PHF24: variants seen among roughly 807,000 people sequenced by gnomAD.
The protein encoded by PHF24 is PHD finger protein 24.
PHF24 carries 25 observed loss-of-function variants against 42.6 expected under a neutral mutation model. That is an observed-to-expected ratio of 0.59 (90% confidence interval 0.43 to 0.82). The LOEUF (loss-of-function observed/expected upper bound fraction) is 0.82, where lower values mean the gene tolerates loss of function less well. Among genes scored for constraint, PHF24 ranks in the 40% least tolerant of loss-of-function variants. PHF24 has a pLI of 0.00. For synonymous variants in PHF24, 185 were observed against 204.8 expected (o/e 0.90, Z 0.83); for missense variants, 470 against 538.1 (o/e 0.87, Z 1.25).
the PHF24 span, among the ~76,000 whole-genome samples, chr9:34,727,469 T>C: frequency 6.6e-6 from 1 of 152,220 alleles, no homozygotes; most frequent in Admixed American, 6.5e-5. Context: ...CGTAATGTTA[T>C]ACCCAGCATC....
At chr9:34,785,878 G>A in the PHF24 span, among the ~76,000 whole-genome samples, 1 of 152,212 alleles carries the variant, frequency 6.6e-6, no homozygotes, top group African/African-American at 2.4e-5. Context: ...TGGAATGGCT[G>A]CAGGGGAACA....
At chr9:34,839,535 G>A in the PHF24 span, among the ~76,000 whole-genome samples, 1 of 148,540 alleles carries the variant, frequency 6.7e-6, no homozygotes, top group Non-Finnish European at 1.5e-5. Context: ...AATGATTTCT[G>A]AATATTCTTA....
chr9:34,872,086 T>G, the PHF24 span, among the ~76,000 whole-genome samples: 1 of 152,192 alleles, frequency 6.6e-6, no homozygotes. Flanking sequence ...TATATTTATT[T>G]GTTTTCCTCA....
At chr9:34,799,538 T>C in the PHF24 span, among the ~76,000 whole-genome samples, 130,888 of 152,212 alleles carry the variant, frequency 0.86, 59,036 homozygotes, top group Non-Finnish European at 0.99. Flanking sequence ...TTAGAGGCTA[T>C]CTTCTGCATA....
At chr9:34,946,590 A>G in the PHF24 span, among the ~76,000 whole-genome samples, 1 of 152,232 alleles carries the variant, frequency 6.6e-6, no homozygotes, top group Non-Finnish European at 1.5e-5. Flanking sequence ...TTATTTGACA[A>G]TATGTGAAAG....
At chr9:34,916,055 C>A in the PHF24 span, among the ~76,000 whole-genome samples, 1 of 152,210 alleles carries the variant, frequency 6.6e-6, no homozygotes, top group East Asian at 1.9e-4. Flanking sequence ...GAGGTGCCTT[C>A]TGCCATGATT....
the PHF24 span, among the ~76,000 whole-genome samples, chr9:34,673,367 A>G: frequency 6.8e-6 from 1 of 147,710 alleles, no homozygotes; most frequent in Admixed American, 6.8e-5. Flanking sequence ...AAAAAAAAAA[A>G]GAGAGGAATT....
At chr9:34,889,390 T>C in the PHF24 span, 2 of 398,504 alleles carry the variant, frequency 5.0e-6, no homozygotes, top group Non-Finnish European at 8.8e-6. Flanking sequence ...TCACAGAAGA[T>C]CAGGCCTTCC....
At chr9:34,932,851 T>C in the PHF24 span, among the ~76,000 whole-genome samples, 9 of 152,196 alleles carry the variant, frequency 5.9e-5, no homozygotes, top group East Asian at 1.5e-3. Flanking sequence ...ACATATTTTC[T>C]AAATGTACTG....
chr9:34,809,829 G>C, the PHF24 span, among the ~76,000 whole-genome samples: 1 of 152,116 alleles, frequency 6.6e-6, no homozygotes, highest in Non-Finnish European at 1.5e-5. The surrounding 1 kb of genome is among the most constrained non-coding windows in gnomAD (Gnocchi z 4.1). Context: ...ACTGGCACCT[G>C]GGCCCACTAC....
At chr9:34,809,848 GCCCATGGAAC>G in the PHF24 span, among the ~76,000 whole-genome samples, 1 of 152,076 alleles carries the variant, frequency 6.6e-6, no homozygotes, top group Non-Finnish European at 1.5e-5. The surrounding 1 kb of genome is among the most constrained non-coding windows in gnomAD (Gnocchi z 4.1). Context: ...ACTCATCCGA[GCCCATGGAAC>G]CCCACTTCCG....
At chr9:34,980,311 G>A (rs986757856) in exon 8 of PHF24, 3 of 152,250 alleles carry the variant, frequency 2.0e-5, no homozygotes, top group Non-Finnish European at 4.4e-5. Flanking sequence ...GCCTGGCAAA[G>A]CAGCCCCAGA....
chr9:34,947,835 G>A, the PHF24 span, among the ~76,000 whole-genome samples: 8 of 152,134 alleles, frequency 5.3e-5, no homozygotes, highest in African/African-American at 1.2e-4. Context: ...TTGGCTGGGC[G>A]CGGTGGCTCA....
At chr9:34,917,854 G>A in the PHF24 span, 680,273 of 1,473,706 alleles carry the variant, frequency 0.46, 161,446 homozygotes, top group Admixed American at 0.51. Flanking sequence ...ATCTTGCATC[G>A]TGTGTGTGAA....
At chr9:34,938,975 A>T in the PHF24 span, among the ~76,000 whole-genome samples, 12 of 147,622 alleles carry the variant, frequency 8.1e-5, no homozygotes, top group East Asian at 2.0e-4. Flanking sequence ...TGATTTATTT[A>T]AAAAAAAATA....
chr9:34,877,280 C>CAAAAAAAAAAAAAA, the PHF24 span, among the ~76,000 whole-genome samples: 1 of 114,388 alleles, frequency 8.7e-6, no homozygotes. Flanking sequence ...GACTCTGTCT[C>CAAAAAAAAAAAAAA]AAAAAAAAAA....
chr9:34,750,896 T>C, the PHF24 span, among the ~76,000 whole-genome samples: 2 of 152,132 alleles, frequency 1.3e-5, no homozygotes, highest in Non-Finnish European at 2.9e-5. Context: ...CATAATAACA[T>C]TGAATGTGAA....
the PHF24 span, among the ~76,000 whole-genome samples, chr9:34,787,647 C>A: frequency 6.6e-6 from 1 of 152,166 alleles, no homozygotes; most frequent in Non-Finnish European, 1.5e-5. Flanking sequence ...GTGATCTGCT[C>A]CACCCCAGAC....
the PHF24 span, among the ~76,000 whole-genome samples, chr9:34,926,336 G>A: frequency 2.6e-5 from 4 of 152,188 alleles, no homozygotes; most frequent in African/African-American, 9.6e-5. This position sits in a 1 kb window ranked among gnomAD's most constrained non-coding sequence, Gnocchi z 4.3. Flanking sequence ...GGACATGGGT[G>A]TAAGGCTGCT....
Sources: gnomAD v4.1 joint callset for allele counts (sites outside exome capture counted in the v4.1 genomes callset) on GRCh38, gnomAD v4.1.1 for gene constraint, Gnocchi (gnomAD v3.1) non-coding constraint, MANE v1.5 for transcripts, NCBI Gene and HGNC (gene_info 2026-07-23, HGNC 2026-07-21) for gene names.